The following NAPB variants were observed in gnomAD, a reference collection of about 807,000 sequenced individuals.
NAPB encodes beta-soluble NSF attachment protein.
In NAPB, 26 loss-of-function variants were observed where a neutral mutation model predicts 44.7. That is an observed-to-expected ratio of 0.58 (90% confidence interval 0.43 to 0.81). NAPB has a LOEUF of 0.81. Ranked by LOEUF, NAPB falls within the 30% of genes least tolerant of loss-of-function variation. The pLI, the probability that NAPB is intolerant of heterozygous loss-of-function variation, is 0.00. For missense variants in NAPB, 315 were observed against 356.4 expected, an observed-to-expected ratio of 0.88 and a Z score of 0.94; for synonymous variants, 120 against 116.8, an observed-to-expected ratio of 1.03 and a Z score of -0.18.
intron 1 of NAPB, among the ~76,000 whole-genome samples, chr20:23,412,725 T>C (rs886776693): frequency 6.6e-6 from 1 of 152,182 alleles, no homozygotes; most frequent in Non-Finnish European, 1.5e-5. Flanking sequence ...TTCTAAAGTA[T>C]ACATGGGAGA....
chr20:23,379,600 C>T, intron 9 of NAPB, 105 bp from the exon 10 acceptor site: 2 of 890,518 alleles, frequency 2.2e-6, no homozygotes, highest in Non-Finnish European at 1.7e-6. Flanking sequence ...TTGCACAAAA[C>T]TGAGGAAATA....
chr20:23,383,736 A>T (rs1295379704), intron 7 of NAPB, among the ~76,000 whole-genome samples: 1 of 152,230 alleles, frequency 6.6e-6, no homozygotes, highest in Non-Finnish European at 1.5e-5. Flanking sequence ...ATCTTGGAAC[A>T]TCCAGAAGAA....
At chr20:23,421,217 C>G in intron 1 of NAPB, 88 bp downstream of exon 1, 2 of 1,159,062 alleles carry the variant, frequency 1.7e-6, no homozygotes, top group Non-Finnish European at 2.4e-6. Flanking sequence ...CCAGAGGTTG[C>G]GTGGGGGACT....
At chr20:23,393,382 AG>A (rs1984117482) in intron 5 of NAPB, among the ~76,000 whole-genome samples, 1 of 152,240 alleles carries the variant, frequency 6.6e-6, no homozygotes, top group Non-Finnish European at 1.5e-5. Flanking sequence ...CAACAGGTGG[AG>A]GTCACACAGT....
intron 2 of NAPB, 116 bp from the exon 3 acceptor site, chr20:23,397,304 T>A (rs1984440556): frequency 7.7e-7 from 1 of 1,299,406 alleles, no homozygotes. Flanking sequence ...AGCATTCTAG[T>A]CAGAAGCAAA....
At chr20:23,378,483 C>T (rs955713415) in intron 10 of NAPB, among the ~76,000 whole-genome samples, 9 of 149,658 alleles carry the variant, frequency 6.0e-5, no homozygotes, top group Admixed American at 1.3e-4. Flanking sequence ...CTCTTGTTGC[C>T]CAGGCTGGAA....
chr20:23,410,542 G>A (rs754758632), intron 1 of NAPB, among the ~76,000 whole-genome samples: 6 of 152,174 alleles, frequency 3.9e-5, no homozygotes, highest in South Asian at 2.1e-4. Flanking sequence ...GGACACTAGC[G>A]GGGTATGGGG....
At chr20:23,420,006 G>C (rs1986270275) in intron 1 of NAPB, among the ~76,000 whole-genome samples, 2 of 148,290 alleles carry the variant, frequency 1.3e-5, no homozygotes, top group Non-Finnish European at 2.9e-5. Context: ...TGAACTGAAT[G>C]TGTACAGAAA....
rs892358910 is a variant in NAPB at position 23,376,523 on chromosome 20, C to T, written c.*853G>A. 2 of 152,230 alleles carry T rather than the reference C, an allele frequency of 1.3e-5. No individual in the cohort carries two copies. Among genetic ancestry groups the T allele is most frequent in the African/African-American group, 4.8e-5 (2 of 41,448 alleles). The allele number at this position is 152,230 out of a possible 1,614,324, so 9.4% of individuals were successfully genotyped here. On this transcript the variant is annotated 3_prime_UTR_variant, in exon 11 of 11. Coordinates refer to ENST00000377026, the MANE Select transcript of NAPB (RefSeq NM_022080.3). ...ATAGTCACAGCACAGAACACACCAC[C>T]TCAACGTGGGAAAGTGTATAAACAT...
chr20:23,397,229 C>G, intron 2 of NAPB, 41 bp from the exon 3 acceptor site: 1 of 1,579,800 alleles, frequency 6.3e-7, no homozygotes, highest in Non-Finnish European at 8.6e-7. Context: ...GAACAAGTCC[C>G]CCCCAGAGCA....
intron 5 of NAPB, among the ~76,000 whole-genome samples, chr20:23,393,229 C>T (rs1984100302): frequency 6.6e-6 from 1 of 152,132 alleles, no homozygotes; most frequent in South Asian, 2.1e-4. Context: ...AAAGAGAAGG[C>T]TCACACACAC....
At chr20:23,380,354 A>G (rs1277596934) in intron 8 of NAPB, among the ~76,000 whole-genome samples, 1 of 152,198 alleles carries the variant, frequency 6.6e-6, no homozygotes, top group African/African-American at 2.4e-5. Flanking sequence ...GACACTGGCC[A>G]TGCCAAGGCT....
intron 10 of NAPB, among the ~76,000 whole-genome samples, chr20:23,378,011 ACTG>A (rs1188135977): frequency 6.6e-6 from 1 of 152,014 alleles, no homozygotes; most frequent in Non-Finnish European, 1.5e-5. Context: ...ACAGGAGGCT[ACTG>A]AGAAATTTGC....
At chr20:23,405,572 A>T (rs56194005) in intron 1 of NAPB, among the ~76,000 whole-genome samples, 4,514 of 152,218 alleles carry the variant, frequency 0.03, 102 homozygotes, top group Non-Finnish European at 0.045. Context: ...AAAAATACAA[A>T]AATTAGCTGG....
intron 1 of NAPB, among the ~76,000 whole-genome samples, chr20:23,413,797 A>G (rs1235371942): frequency 6.6e-6 from 1 of 152,152 alleles, no homozygotes; most frequent in Non-Finnish European, 1.5e-5. Context: ...TTTAAACATT[A>G]CAAACTCCAG....
intron 1 of NAPB, among the ~76,000 whole-genome samples, chr20:23,406,667 T>G (rs1426317669): frequency 2.6e-5 from 4 of 152,188 alleles, no homozygotes; most frequent in African/African-American, 7.2e-5. Flanking sequence ...GCTAATAAGT[T>G]TCCTAAATGG....
intron 1 of NAPB, among the ~76,000 whole-genome samples, chr20:23,415,387 A>C (rs995038259): frequency 6.6e-6 from 1 of 152,000 alleles, no homozygotes; most frequent in Non-Finnish European, 1.5e-5. Context: ...TGAGGTCAGA[A>C]GTTCAAGACC....
In NAPB at chr20:23,379,860, T is replaced by A; in HGVS notation, c.735+7A>T. The A allele has an allele frequency of 1.9e-6, 3 of 1,599,762 alleles. No individual in the cohort carries two copies. The highest frequency in any genetic ancestry group is 2.6e-6 in the Non-Finnish European group (3 of 1,167,606). On this transcript the variant is annotated splice_region_variant and intron_variant, in intron 9 of 10. Coordinates refer to ENST00000377026, the MANE Select transcript of NAPB (RefSeq NM_022080.3). ...GCATTTTTCTTCAAAGTTCTAATATTACTTACTTTCAATAATTTACATTCT... is the reference window on the plus strand; with the variant it reads ...GCATTTTTCTTCAAAGTTCTAATATAACTTACTTTCAATAATTTACATTCT...
At chr20:23,416,438 A>G (rs749659990) in intron 1 of NAPB, among the ~76,000 whole-genome samples, 3 of 152,208 alleles carry the variant, frequency 2.0e-5, no homozygotes, top group Non-Finnish European at 4.4e-5. Context: ...AACAATCGTG[A>G]AAAACAGATT....
Sources: gnomAD v4.1 joint callset for allele counts (sites outside exome capture counted in the v4.1 genomes callset) on GRCh38, gnomAD v4.1.1 for gene constraint, MANE v1.5 for transcripts, NCBI Gene and HGNC (gene_info 2026-07-23, HGNC 2026-07-21) for gene names.